EFNA1: variants seen among roughly 807,000 people sequenced by gnomAD.
The protein encoded by EFNA1 is ephrin A1.
A neutral mutation model predicts 23.2 loss-of-function variants in EFNA1; 8 were observed. The observed-to-expected ratio is 0.34, with a 90% CI of 0.20 to 0.62. The LOEUF (loss-of-function observed/expected upper bound fraction) is 0.62, where lower values mean the gene tolerates loss of function less well. EFNA1 is among the 20% of genes least tolerant of loss of function. The pLI, the probability that EFNA1 is intolerant of heterozygous loss-of-function variation, is 0.75. For synonymous variants in EFNA1, 89 were observed against 98.6 expected (o/e 0.90, Z 0.58); for missense variants, 217 against 260.0 (o/e 0.83, Z 1.14).
At chr1:155,130,622 C>A (rs1664219681) in intron 1 of EFNA1, 1 of 984,914 alleles carries the variant, frequency 1.0e-6, no homozygotes, top group Admixed American at 6.2e-5. Context: ...TTTTGGGGTG[C>A]TCTGAGAAGG....
At chr1:155,129,097 G>A (rs978309199) in intron 1 of EFNA1, among the ~76,000 whole-genome samples, 2 of 152,150 alleles carry the variant, frequency 1.3e-5, no homozygotes, top group Non-Finnish European at 2.9e-5. Flanking sequence ...GGCTTGTTAG[G>A]GTGGGGGAGA....
At position 155,131,607 on chromosome 1, in the gene EFNA1, AAAG is replaced by A. The variant is rs750224813; in HGVS notation, c.365_367del (p.Glu122del). The A allele has an allele frequency of 2.5e-6, 4 of 1,613,196 alleles. No individual in the cohort carries two copies. In the South Asian group the frequency reaches 3.3e-5, roughly 13 times the overall value. On this transcript the variant is annotated inframe_deletion, in exon 2 of 5. Coordinates refer to ENST00000368407, the MANE Select transcript of EFNA1 (RefSeq NM_004428.3). ...ACCTTTCACCCTGGGCAAGGAGTTC[AAAG>A]AAGGACACAGCTACTACTACATCTG...
intron 1 of EFNA1, chr1:155,130,406 G>A: frequency 1.5e-6 from 1 of 688,036 alleles, no homozygotes; most frequent in Non-Finnish European, 1.8e-6. Flanking sequence ...CAGTCAGGCT[G>A]GAGCCGGTGG....
At chr1:155,128,752 A>G (rs1378185255) in intron 1 of EFNA1, among the ~76,000 whole-genome samples, 1 of 152,202 alleles carries the variant, frequency 6.6e-6, no homozygotes. Flanking sequence ...AAGAGGTTAA[A>G]GGGGTTACAG....
chr1:155,133,003 C>T (rs544318561), intron 2 of EFNA1, among the ~76,000 whole-genome samples: 3 of 151,928 alleles, frequency 2.0e-5, no homozygotes, highest in East Asian at 1.9e-4. Context: ...CTCCACCTCC[C>T]GGGTTCAATT....
chr1:155,133,811 C>T (rs1664302341), intron 4 of EFNA1, 31 bp downstream of exon 4: 1 of 1,613,516 alleles, frequency 6.2e-7, no homozygotes, highest in South Asian at 1.1e-5. Flanking sequence ...GGGCCTGGGG[C>T]ACAGGAAGGG....
intron 1 of EFNA1, among the ~76,000 whole-genome samples, chr1:155,128,613 T>C (rs1435143185): frequency 6.6e-6 from 1 of 152,176 alleles, no homozygotes; most frequent in African/African-American, 2.4e-5. Flanking sequence ...AGGGGTCTTT[T>C]GGGGTGGCAT....
In EFNA1 at chr1:155,131,419, CTG is replaced by C. The variant is rs1344214657; in HGVS notation, c.176_177del (p.Val59GlyfsTer16). The C allele has an allele frequency of 6.2e-7, 1 of 1,614,190 alleles. No homozygotes were observed. The highest frequency in any genetic ancestry group is 8.5e-7 in the Non-Finnish European group (1 of 1,180,044). On this transcript the variant is annotated frameshift_variant, in exon 2 of 5. Transcript: ENST00000368407. LOFTEE classifies it high-confidence loss of function. The stretch of plus-strand genomic sequence containing the variant: ...ATCTGTCCGCACTATGAAGATCACT[CTG>C]TGGCAGACGCTGCCATGGAGCAGTA...
At chr1:155,128,973 C>T (rs1160895956) in intron 1 of EFNA1, among the ~76,000 whole-genome samples, 2 of 152,076 alleles carry the variant, frequency 1.3e-5, no homozygotes, top group Non-Finnish European at 2.9e-5. Context: ...GCCATCTCAC[C>T]GGCTTAGCCA....
Position 155,134,492 on chromosome 1 carries a change from C to CA in EFNA1, c.*426dup, listed in dbSNP as rs1664330885. ...AACTGACTGAAGGAAAAGCAAGAAA[C>CA]AGTTTCTTGCTTGGAAGCCAGGTAC... is the stretch of plus-strand genomic sequence containing the variant. On this transcript the variant is annotated 3_prime_UTR_variant, in exon 5 of 5. Coordinates refer to ENST00000368407, the MANE Select transcript of EFNA1 (RefSeq NM_004428.3). 4.7e-6 allele frequency: 1 copy of CA among 213,734 alleles called. No individual in the cohort carries two copies. The highest frequency in any genetic ancestry group is 5.2e-5 in the Admixed American group (1 of 19,090). 13.2% of individuals were successfully genotyped at this position (213,734 alleles called of 1,614,324 possible).
intron 1 of EFNA1, chr1:155,130,420 CA>C: frequency 3.8e-6 from 3 of 791,604 alleles, no homozygotes; most frequent in Non-Finnish European, 4.6e-6. Context: ...CCGGTGGGGC[CA>C]GGGGGAATGA....
chr1:155,129,425 C>CT (rs902531639), intron 1 of EFNA1: 1 of 152,190 alleles, frequency 6.6e-6, no homozygotes, highest in African/African-American at 2.4e-5. Context: ...CGCTGCCCCC[C>CT]TTTCCCAGAT....
At chr1:155,133,674 A>G in intron 3 of EFNA1, 56 bp from the exon 4 acceptor site, 7 of 1,609,534 alleles carry the variant, frequency 4.3e-6, no homozygotes, top group Non-Finnish European at 5.1e-6. Context: ...ACTCATACTT[A>G]CAGCCCTCTG....
intron 1 of EFNA1, among the ~76,000 whole-genome samples, chr1:155,128,523 C>T (rs545454495): frequency 3.9e-4 from 60 of 152,222 alleles, no homozygotes; most frequent in African/African-American, 1.4e-3. Context: ...CCTGGAAGGA[C>T]CTCTCAGGAG....
At chr1:155,128,407 C>A (rs76790124) in intron 1 of EFNA1, among the ~76,000 whole-genome samples, 10 of 152,156 alleles carry the variant, frequency 6.6e-5, no homozygotes, top group South Asian at 6.3e-4. Context: ...CCCCACCCCC[C>A]CACTGTGAAA....
rs766866514 is a variant in EFNA1 at position 155,133,791 on chromosome 1, G to A, written c.505+11G>A. 1.2e-6 allele frequency: 2 copies of A among 1,613,990 alleles called. No individual in the cohort carries two copies. The highest frequency in any genetic ancestry group is 1.7e-6 in the Non-Finnish European group (2 of 1,180,026). On this transcript the variant is annotated intron_variant, in intron 4 of 4. Coordinates refer to ENST00000368407, the MANE Select transcript of EFNA1 (RefSeq NM_004428.3). The stretch of plus-strand genomic sequence containing the variant: ...AGAGACTTGCAGCAGGTGGGTAGCT[G>A]GAGCAAACTGGGCCTGGGGCACAGG...
intron 1 of EFNA1, among the ~76,000 whole-genome samples, chr1:155,128,566 AC>A (rs1402642892): frequency 5.9e-5 from 9 of 151,970 alleles, no homozygotes. Context: ...TTATGCATTC[AC>A]CCTGTATTTA....
chr1:155,133,686 C>A (rs780167990), intron 3 of EFNA1, 44 bp from the exon 4 acceptor site: 1 of 1,611,930 alleles, frequency 6.2e-7, no homozygotes, highest in African/African-American at 1.3e-5. Context: ...AGCCCTCTGC[C>A]TCTTTGATAC....
rs1258407591 is a variant in EFNA1, at chr1:155,133,516, C to G, written c.402C>G (p.His134Gln). ...CTTATCTTGCAGCCAAACCCATCCA[C>G]CAGCATGAAGACCGCTGCTTGAGGT... Reference protein sequence around the residue: ...HSYYYISKPIHQHEDRCLRLK... With the variant: ...HSYYYISKPIQQHEDRCLRLK... Residue 134 changes from histidine to glutamine, a missense_variant, in exon 3 of 5, where the codon CAC (histidine) becomes CAG (glutamine). Physicochemically the swap from His to Gln is conservative, Grantham distance 24. Transcript: ENST00000368407. 2 of 1,614,086 alleles carry G rather than the reference C, an allele frequency of 1.2e-6. No homozygotes were observed. Among genetic ancestry groups the G allele is most frequent in the East Asian group, 4.5e-5 (2 of 44,870 alleles).
Sources: allele counts gnomAD v4.1 joint callset (sites outside exome capture counted in the v4.1 genomes callset), GRCh38; gene constraint gnomAD v4.1.1; transcripts MANE v1.5; gene names NCBI Gene and HGNC (gene_info 2026-07-23, HGNC 2026-07-21).